Variants in NALF1 observed in about 807,000 individuals in gnomAD.
NALF1 encodes the protein NALCN channel auxiliary factor 1, also known as family with sequence similarity 155 member A.
NALF1 carries 3 observed loss-of-function variants against 48.4 expected under a neutral mutation model. That is an observed-to-expected ratio of 0.06 (90% CI 0.03 to 0.16). NALF1 has a LOEUF of 0.16. Among genes scored for constraint, NALF1 ranks in the 10% least tolerant of loss-of-function variants. NALF1 has a pLI of 1.00. For missense variants in NALF1, 526 were observed against 571.5 expected, an observed-to-expected ratio of 0.92 and a Z score of 0.81; for synonymous variants, 262 against 245.7, an observed-to-expected ratio of 1.07 and a Z score of -0.62.
At chr13:107,802,607 T>C (rs1594277979) in intron 1 of NALF1, among the ~76,000 whole-genome samples, 1 of 138,596 alleles carries the variant, frequency 7.2e-6, no homozygotes, top group Non-Finnish European at 1.5e-5. Flanking sequence ...GCTAGAGACA[T>C]AGTTCCCAGA....
chr13:107,831,095 T>C (rs1226429311), intron 1 of NALF1, among the ~76,000 whole-genome samples: 2 of 152,116 alleles, frequency 1.3e-5, no homozygotes, highest in South Asian at 2.1e-4. Context: ...TAGAAACACA[T>C]AAATCAAGAA....
At chr13:107,290,301 C>T (rs1370374771) in intron 1 of NALF1, among the ~76,000 whole-genome samples, 1 of 152,062 alleles carries the variant, frequency 6.6e-6, no homozygotes, top group Non-Finnish European at 1.5e-5. Flanking sequence ...TCCCTCCTCC[C>T]TTCCAAAATA....
At chr13:107,398,270 A>G (rs1475449913) in intron 1 of NALF1, among the ~76,000 whole-genome samples, 1 of 151,962 alleles carries the variant, frequency 6.6e-6, no homozygotes, top group Non-Finnish European at 1.5e-5. Flanking sequence ...GGTAGAGTTC[A>G]TGTTTCTCCC....
intron 1 of NALF1, among the ~76,000 whole-genome samples, chr13:107,857,843 T>C (rs563833466): frequency 6.6e-6 from 1 of 152,354 alleles, no homozygotes; most frequent in South Asian, 2.1e-4. Flanking sequence ...GAGGACTATA[T>C]TAATTTTATT....
At chr13:107,249,180 C>G (rs1880643668) in intron 1 of NALF1, among the ~76,000 whole-genome samples, 1 of 151,886 alleles carries the variant, frequency 6.6e-6, no homozygotes, top group African/African-American at 2.4e-5. Context: ...AGATTACTAT[C>G]AAAGCAAAAT....
At chr13:107,273,409 T>C (rs946893248) in intron 1 of NALF1, among the ~76,000 whole-genome samples, 2 of 152,338 alleles carry the variant, frequency 1.3e-5, no homozygotes, top group African/African-American at 4.8e-5. Flanking sequence ...GCATGCTTTT[T>C]CTCTTGTCAT....
intron 1 of NALF1, among the ~76,000 whole-genome samples, chr13:107,807,637 A>T (rs1174481139): frequency 6.6e-6 from 1 of 152,202 alleles, no homozygotes; most frequent in Non-Finnish European, 1.5e-5. Context: ...ACAAATAATA[A>T]TTTATGCCAG....
At position 107,170,775 on chromosome 13, in the gene NALF1, T is replaced by G. The variant is rs749580849; in HGVS notation, c.1099A>C (p.Thr367Pro). The G allele has an allele frequency of 1.9e-6, 3 of 1,613,988 alleles. No homozygotes were observed. Among genetic ancestry groups the G allele is most frequent in the South Asian group, 1.1e-5 (1 of 91,080 alleles). ...TCTGGTTCATCATTGGTTAGAAAGG[T>G]TTCATAAAGCCCTGTAGGAAGAAGG... ...SSFICTGLYE[T>P]FLTNDEPECC... The change falls in exon 3 of 3, where the codon ACC becomes CCC. Residue 367 changes from threonine to proline, a missense_variant. This residue lies in a region of NALF1 where 153 missense variants were observed against 215.9 expected (regional missense o/e 0.71). Transcript: ENST00000375915.
intron 1 of NALF1, among the ~76,000 whole-genome samples, chr13:107,809,891 T>C (rs1004070514): frequency 1.3e-5 from 2 of 152,096 alleles, no homozygotes; most frequent in African/African-American, 4.8e-5. Flanking sequence ...AAGGAAGAAA[T>C]AGTTCTACCC....
intron 1 of NALF1, among the ~76,000 whole-genome samples, chr13:107,421,458 T>A (rs1258739390): frequency 6.6e-6 from 1 of 152,174 alleles, no homozygotes; most frequent in Non-Finnish European, 1.5e-5. Flanking sequence ...CAAAAAACAG[T>A]AAATTATAAA....
intron 1 of NALF1, among the ~76,000 whole-genome samples, chr13:107,328,652 A>G (rs1882411740): frequency 6.6e-6 from 1 of 152,186 alleles, no homozygotes; most frequent in Non-Finnish European, 1.5e-5. Flanking sequence ...ACAATGCCTC[A>G]ATCAATCCTT....
At chr13:107,813,307 T>A (rs985100970) in intron 1 of NALF1, among the ~76,000 whole-genome samples, 8 of 152,142 alleles carry the variant, frequency 5.3e-5, no homozygotes, top group African/African-American at 1.9e-4. Flanking sequence ...GCAACAGCAT[T>A]ATAGGTCTTG....
intron 1 of NALF1, among the ~76,000 whole-genome samples, chr13:107,719,962 G>A (rs1160833568): frequency 4.6e-5 from 7 of 151,974 alleles, no homozygotes; most frequent in African/African-American, 1.7e-4. Flanking sequence ...CTCTGCTCAT[G>A]TTTCTCTCTT....
chr13:107,524,753 G>A (rs1039913901), intron 1 of NALF1, among the ~76,000 whole-genome samples: 1 of 152,012 alleles, frequency 6.6e-6, no homozygotes, highest in Non-Finnish European at 1.5e-5. Context: ...AAGTTTACTC[G>A]ACCTTGGCAA....
chr13:107,213,973 G>GA (rs201191076), intron 1 of NALF1, among the ~76,000 whole-genome samples: 9 of 151,912 alleles, frequency 5.9e-5, no homozygotes, highest in African/African-American at 2.2e-4. Context: ...AAAGACAAGA[G>GA]AAAAAACAAA....
At chr13:107,737,562 T>C (rs963649021) in intron 1 of NALF1, among the ~76,000 whole-genome samples, 8 of 152,182 alleles carry the variant, frequency 5.3e-5, no homozygotes, top group African/African-American at 1.9e-4. Flanking sequence ...TTTATAATCA[T>C]TTTTTCTTAA....
intron 1 of NALF1, among the ~76,000 whole-genome samples, chr13:107,721,910 C>G (rs955604895): frequency 6.6e-6 from 1 of 152,110 alleles, no homozygotes; most frequent in African/African-American, 2.4e-5. Flanking sequence ...CTTTTTTGAA[C>G]GAGGCTTTTG....
At chr13:107,852,246 A>C (rs1397274141) in intron 1 of NALF1, among the ~76,000 whole-genome samples, 1 of 152,106 alleles carries the variant, frequency 6.6e-6, no homozygotes, top group Non-Finnish European at 1.5e-5. Flanking sequence ...TTCCATGTCC[A>C]TATATGAGTC....
intron 2 of NALF1, among the ~76,000 whole-genome samples, chr13:107,192,209 T>C (rs1234301812): frequency 6.6e-6 from 1 of 152,098 alleles, no homozygotes; most frequent in African/African-American, 2.4e-5. Context: ...GAAATATTAA[T>C]TATAATAACC....
Sources: allele counts gnomAD v4.1 joint callset (sites outside exome capture counted in the v4.1 genomes callset), GRCh38; gene constraint gnomAD v4.1.1; regional missense constraint gnomAD v4.1.1; transcripts MANE v1.5; gene names NCBI Gene and HGNC (gene_info 2026-07-23, HGNC 2026-07-21).